The following EFHD2 variants were observed in gnomAD, a reference collection of about 807,000 sequenced individuals.
The protein encoded by EFHD2 is EF-hand domain family member D2, also known as EF-hand domain-containing protein D2.
EFHD2 carries 12 observed loss-of-function variants against 20.3 expected under a neutral mutation model. The observed-to-expected ratio is 0.59, with a 90% CI of 0.38 to 0.96. The LOEUF is 0.96. Ranked by LOEUF, EFHD2 falls within the 40% of genes least tolerant of loss-of-function variation. The pLI is 0.00. For synonymous variants in EFHD2, 131 were observed against 143.9 expected, an observed-to-expected ratio of 0.91 and a Z score of 0.64; for missense variants, 250 against 334.3, an observed-to-expected ratio of 0.75 and a Z score of 1.97.
Position 15,415,956 on chromosome 1 carries a change from G to A in EFHD2, c.308+5677G>A, listed in dbSNP as rs532585329. ...AGCCGTGTTTGTGGCTGGGGCTTGGGGGAGCCTCCGAGAGCCTTAGAGAGG... is the reference window on the plus strand; with the variant it reads ...AGCCGTGTTTGTGGCTGGGGCTTGGAGGAGCCTCCGAGAGCCTTAGAGAGG... On this transcript the variant is annotated intron_variant, in intron 1 of 3. Coordinates refer to ENST00000375980, the MANE Select transcript of EFHD2 (RefSeq NM_024329.6). Among the ~76,000 whole-genome samples, 462 of 152,220 alleles carry A rather than the reference G, an allele frequency of 3.0e-3. 12 individuals are homozygous for A. Among genetic ancestry groups the A allele is most frequent in the Admixed American group, 0.025 (376 of 15,298 alleles).
rs762514038 is a variant in EFHD2, at chr1:15,427,119, C to T, written c.457-31C>T. ...CCGGCTCCCCTCCTTCCCTCCCTTC[C>T]TGACACCGCGCGCCTCCCTCCCCGC... On this transcript the variant is annotated intron_variant, in intron 2 of 3. Coordinates refer to ENST00000375980, the MANE Select transcript of EFHD2 (RefSeq NM_024329.6). The T allele has an allele frequency of 3.7e-6, 6 of 1,606,230 alleles. No individual in the cohort carries two copies. The South Asian group carries it at 5.5e-5, about 15-fold the overall frequency.
At chr1:15,428,439 G>A (rs1420035822) in intron 3 of EFHD2, among the ~76,000 whole-genome samples, 154 bp from the exon 4 acceptor site, 1 of 152,230 alleles carries the variant, frequency 6.6e-6, no homozygotes, top group African/African-American at 2.4e-5. Flanking sequence ...AGAGGTTGCA[G>A]TGAGCCAAGA....
intron 1 of EFHD2, among the ~76,000 whole-genome samples, chr1:15,424,361 ACCAGTGGTGCCTTC>A (rs1178884528): frequency 6.6e-6 from 1 of 152,080 alleles, no homozygotes; most frequent in Non-Finnish European, 1.5e-5. Flanking sequence ...TGCTCCAGGA[ACCAGTGGTGCCTTC>A]CCAGCCAGGC....
Position 15,426,277 on chromosome 1 carries a change from C to T in EFHD2, c.456+259C>T, listed in dbSNP as rs1006590522. On this transcript the variant is annotated intron_variant, in intron 2 of 3. Coordinates refer to ENST00000375980, the MANE Select transcript of EFHD2 (RefSeq NM_024329.6). This position sits in a 1 kb window ranked among gnomAD's most constrained non-coding sequence, Gnocchi z 4.6. ...CTTCACATAGGGAGCATATATTGAG[C>T]GATTTCTGTATACTTGACCCTGTGC... Among the ~76,000 whole-genome samples, 22 of 152,200 alleles carry T rather than the reference C, an allele frequency of 1.4e-4. No homozygotes were observed. Among genetic ancestry groups the T allele is most frequent in the African/African-American group, 5.1e-4 (21 of 41,532 alleles).
At position 15,428,724 on chromosome 1, in the gene EFHD2, G is replaced by T; in HGVS notation, c.723G>T (p.Ter241TyrextTer25). Residue 241 changes from the stop codon to tyrosine, a stop_lost, in exon 4 of 4, where the codon TAG becomes TAT. Transcript: ENST00000375980. ...AFKELQSTFK[*>Y] ...AGGAGCTGCAGTCCACCTTTAAGTA[G>T]CGGGGGCTGCAGCCGACCGCCCTGC... 1 of 1,580,252 alleles carries T rather than the reference G, an allele frequency of 6.3e-7. No individual in the cohort carries two copies. The highest frequency in any genetic ancestry group is 8.6e-7 in the Non-Finnish European group (1 of 1,164,208).
At chr1:15,410,462 G>A (rs1262128102) in intron 1 of EFHD2, among the ~76,000 whole-genome samples, 183 bp downstream of exon 1, 2 of 151,954 alleles carry the variant, frequency 1.3e-5, no homozygotes, top group African/African-American at 4.8e-5. Context: ...GCATCTCACC[G>A]CGCACGTTAG....
At chr1:15,422,187 T>C (rs1430473324) in intron 1 of EFHD2, among the ~76,000 whole-genome samples, 1 of 149,850 alleles carries the variant, frequency 6.7e-6, no homozygotes, top group East Asian at 2.0e-4. Context: ...CCACCTCCTG[T>C]GTTTAAGTGA....
chr1:15,423,073 G>C (rs974376706), intron 1 of EFHD2, among the ~76,000 whole-genome samples: 1 of 152,122 alleles, frequency 6.6e-6, no homozygotes, highest in African/African-American at 2.4e-5. Context: ...ACAGCCCCAC[G>C]GTCATGTGGC....
intron 1 of EFHD2, among the ~76,000 whole-genome samples, chr1:15,412,788 G>T (rs1037738576): frequency 6.6e-6 from 1 of 152,178 alleles, no homozygotes; most frequent in Admixed American, 6.5e-5. Flanking sequence ...CTTCATTTGC[G>T]CAGCAAACTC....
At position 15,426,934 on chromosome 1, in the gene EFHD2, C is replaced by T. The variant is rs1179838662; in HGVS notation, c.457-216C>T. ...GTCAGGGCTGCAGTAGGCCAGCATCCTGGGTGGCAGATGAGTCATATCTCC... is the reference window on the plus strand; with the variant it reads ...GTCAGGGCTGCAGTAGGCCAGCATCTTGGGTGGCAGATGAGTCATATCTCC... On this transcript the variant is annotated intron_variant, in intron 2 of 3. Coordinates refer to ENST00000375980, the MANE Select transcript of EFHD2 (RefSeq NM_024329.6). This position sits in a 1 kb window ranked among gnomAD's most constrained non-coding sequence, Gnocchi z 4.6. Among the ~76,000 whole-genome samples the T allele has an allele frequency of 6.6e-6, 1 of 152,154 alleles. No homozygotes were observed. Among genetic ancestry groups the T allele is most frequent in the African/African-American group, 2.4e-5 (1 of 41,434 alleles).
In EFHD2 at chr1:15,429,028, C is replaced by G. The variant is rs1707921464; in HGVS notation, c.*304C>G. 2.7e-6 allele frequency: 1 copy of G among 368,704 alleles called. No homozygotes were observed. The highest frequency in any genetic ancestry group is 2.4e-5 in the South Asian group (1 of 42,278). The allele number at this position is 368,704 out of a possible 1,614,324, so 22.8% of individuals were successfully genotyped here. A position where few individuals can be genotyped will look rare whatever the true frequency, so the allele number is the denominator to read the frequency against. Reference sequence around the variant, plus strand: ...TGCCTGCTCCGGCACTGCCCCAGGCCCAGCTCCTGGCCCTAGGTCCCTCCC... The same window carrying G: ...TGCCTGCTCCGGCACTGCCCCAGGCGCAGCTCCTGGCCCTAGGTCCCTCCC... On this transcript the variant is annotated 3_prime_UTR_variant, in exon 4 of 4. Transcript: ENST00000375980.
chr1:15,414,408 G>T (rs1015164072), intron 1 of EFHD2, among the ~76,000 whole-genome samples: 1 of 152,272 alleles, frequency 6.6e-6, no homozygotes, highest in Non-Finnish European at 1.5e-5. Context: ...GAATACAGCT[G>T]TGGGCTGTGG....
intron 1 of EFHD2, among the ~76,000 whole-genome samples, chr1:15,417,016 G>T (rs1570764321): frequency 6.6e-6 from 1 of 152,018 alleles, no homozygotes; most frequent in African/African-American, 2.4e-5. Flanking sequence ...TCATTATGTT[G>T]CTCAGACTGG....
intron 1 of EFHD2, among the ~76,000 whole-genome samples, chr1:15,415,542 A>T (rs1440621385): frequency 6.7e-6 from 1 of 148,876 alleles, no homozygotes; most frequent in African/African-American, 2.5e-5. Context: ...AGGCTGAAGT[A>T]CAGTGGCATG....
intron 1 of EFHD2, 38 bp from the exon 2 acceptor site, chr1:15,425,833 A>G (rs761072336): frequency 4.4e-6 from 7 of 1,595,164 alleles, no homozygotes; most frequent in Non-Finnish European, 5.1e-6. Flanking sequence ...TCTCTGACTG[A>G]GCCAGTGCCA....
At chr1:15,412,528 G>T (rs1253885455) in intron 1 of EFHD2, among the ~76,000 whole-genome samples, 1 of 152,158 alleles carries the variant, frequency 6.6e-6, no homozygotes, top group Non-Finnish European at 1.5e-5. Flanking sequence ...CTACTTTCAT[G>T]TTGGAAAACC....
At chr1:15,419,294 C>A (rs1366835732) in intron 1 of EFHD2, among the ~76,000 whole-genome samples, 1 of 152,224 alleles carries the variant, frequency 6.6e-6, no homozygotes, top group Non-Finnish European at 1.5e-5. Flanking sequence ...GCTGAGCCCT[C>A]CCTGACGAGA....
chr1:15,411,822 G>A, intron 1 of EFHD2, among the ~76,000 whole-genome samples: 1 of 152,134 alleles, frequency 6.6e-6, no homozygotes, highest in East Asian at 1.9e-4. Flanking sequence ...ACATGCAGCT[G>A]TCAGTGCCCC....
intron 1 of EFHD2, among the ~76,000 whole-genome samples, chr1:15,412,392 A>G (rs1707548411): frequency 2.0e-5 from 3 of 152,326 alleles, no homozygotes; most frequent in South Asian, 2.1e-4. Context: ...ACCTTTGTGC[A>G]GACAAAGGGT....
Sources: gnomAD v4.1 joint callset for allele counts (sites outside exome capture counted in the v4.1 genomes callset) on GRCh38, gnomAD v4.1.1 for gene constraint, Gnocchi (gnomAD v3.1) non-coding constraint, MANE v1.5 for transcripts, NCBI Gene and HGNC (gene_info 2026-07-23, HGNC 2026-07-21) for gene names.